DR1: variants seen among roughly 807,000 people sequenced by gnomAD.
DR1 encodes down-regulator of transcription 1.
Under a neutral mutation model 19.9 loss-of-function variants are expected in DR1, and 7 were observed. The ratio of observed to expected loss-of-function variants is 0.35; its 90% CI spans 0.20 to 0.66. DR1 has a LOEUF of 0.66. DR1 is among the 30% of genes least tolerant of loss of function. The pLI is 0.66. For missense variants in DR1, 98 were observed against 203.7 expected, an observed-to-expected ratio of 0.48 and a Z score of 3.16; for synonymous variants, 76 against 72.5, an observed-to-expected ratio of 1.05 and a Z score of -0.24.
rs955459051 is a variant in DR1 at position 93,362,689 on chromosome 1, G to A, written c.*2050G>A. ...GCCCAAAAGACATTTTGGTCATTTG[G>A]TATGTAGTACCTGCCTTTTGTTTTT... is the stretch of plus-strand genomic sequence containing the variant. On this transcript the variant is annotated 3_prime_UTR_variant, in exon 3 of 3. Coordinates refer to ENST00000370272, the MANE Select transcript of DR1 (RefSeq NM_001938.3). 1 of 151,390 alleles carries A rather than the reference G, an allele frequency of 6.6e-6. No individual in the cohort carries two copies. Among genetic ancestry groups the A allele is most frequent in the Non-Finnish European group, 1.5e-5 (1 of 67,746 alleles). 9.4% of individuals were successfully genotyped at this position (151,390 alleles called of 1,614,324 possible).
At position 93,357,688 on chromosome 1, in the gene DR1, A is replaced by G. The variant is rs578005702; in HGVS notation, c.385-2805A>G. Among the ~76,000 whole-genome samples the G allele has an allele frequency of 1.1e-4, 16 of 152,170 alleles. 1 individual carries two copies. Among genetic ancestry groups the G allele is most frequent in the Admixed American group, 9.8e-4 (15 of 15,280 alleles). On this transcript the variant is annotated intron_variant, in intron 2 of 2. Coordinates refer to ENST00000370272, the MANE Select transcript of DR1 (RefSeq NM_001938.3). ...ACTCATCTGTTTTTTTAAAAATAAC[A>G]TTTAATGTAGACCTCTTCCTTTATT...
chr1:93,352,314 C>A (rs541754864), intron 1 of DR1, among the ~76,000 whole-genome samples: 9 of 152,184 alleles, frequency 5.9e-5, no homozygotes, highest in Non-Finnish European at 1.2e-4. Context: ...TCATGATCTG[C>A]CTGCCTTGGT....
At chr1:93,353,822 A>G in intron 1 of DR1, 86 bp from the exon 2 acceptor site, 2 of 1,111,856 alleles carry the variant, frequency 1.8e-6, no homozygotes, top group Non-Finnish European at 2.5e-6. Flanking sequence ...CCCCCAAAGA[A>G]AAGCCCACAA....
At chr1:93,346,904 G>T (rs778847040) in intron 1 of DR1, 39 bp downstream of exon 1, 1 of 1,538,502 alleles carries the variant, frequency 6.5e-7, no homozygotes, top group Non-Finnish European at 8.9e-7. Flanking sequence ...TGAGGTTCTA[G>T]GGTAGCAGTC....
In DR1 at chr1:93,361,922, A is replaced by G. The variant is rs1328796947; in HGVS notation, c.*1283A>G. On this transcript the variant is annotated 3_prime_UTR_variant, in exon 3 of 3. Transcript: ENST00000370272. ...TGTTTATAGGAATCCAGGATGTTGA[A>G]GAAATGGCATAATGTCTATATTTTG... The G allele has an allele frequency of 6.6e-6, 1 of 152,502 alleles. No individual in the cohort carries two copies. The highest frequency in any genetic ancestry group is 1.5e-5 in the Non-Finnish European group (1 of 67,918). The allele number at this position is 152,502 out of a possible 1,614,324, so 9.4% of individuals were successfully genotyped here.
chr1:93,364,585 C>T lies in DR1; in HGVS notation c.*3946C>T, dbSNP rs1043054166. The stretch of plus-strand genomic sequence containing the variant: ...TTTTCTTTTTTGCCTCTGTCCCCAA[C>T]AATTTGACCACAAGTCCTACCCCAC... On this transcript the variant is annotated 3_prime_UTR_variant, in exon 3 of 3. Transcript: ENST00000370272. 3 of 152,102 alleles carry T rather than the reference C, an allele frequency of 2.0e-5. No homozygotes were observed. Among genetic ancestry groups the T allele is most frequent in the African/African-American group, 7.2e-5 (3 of 41,418 alleles). The allele number at this position is 152,102 out of a possible 1,614,324, so 9.4% of individuals were successfully genotyped here.
intron 2 of DR1, among the ~76,000 whole-genome samples, chr1:93,356,555 A>G (rs748029171): frequency 3.9e-5 from 6 of 152,202 alleles, no homozygotes; most frequent in Non-Finnish European, 8.8e-5. Flanking sequence ...TACCAAATCA[A>G]GCACCTTTGC....
At chr1:93,356,965 G>A (rs1000310400) in intron 2 of DR1, among the ~76,000 whole-genome samples, 8 of 152,128 alleles carry the variant, frequency 5.3e-5, no homozygotes, top group Non-Finnish European at 8.8e-5. Flanking sequence ...CAGGCGATCC[G>A]CCCACCTTGG....
Position 93,346,458 on chromosome 1 carries a change from A to G in DR1, c.-188A>G, listed in dbSNP as rs375957064. 3.4e-4 allele frequency: 203 copies of G among 599,552 alleles called. No individual in the cohort carries two copies. In the East Asian group the frequency reaches 4.3e-3, roughly 13 times the overall value. The allele number at this position is 599,552 out of a possible 1,614,324, so 37.1% of individuals were successfully genotyped here. A position where few individuals can be genotyped will look rare whatever the true frequency, so the allele number is the denominator to read the frequency against. On this transcript the variant is annotated 5_prime_UTR_variant, in exon 1 of 3. Coordinates refer to ENST00000370272, the MANE Select transcript of DR1 (RefSeq NM_001938.3). ...CCACTTTCTTCCCAAACTCATCCTA[A>G]ATCTCTCACACACGCGAGTGTTCCC...
chr1:93,360,697 C>G lies in DR1; in HGVS notation c.*58C>G, dbSNP rs1193724143. 1.1e-5 allele frequency: 17 copies of G among 1,544,200 alleles called. No individual in the cohort carries two copies. The East Asian group carries it at 3.8e-4, about 34-fold the overall frequency. Reference sequence around the variant, plus strand: ...AATGTTTTTCCCTGCACAACAAAAACAGTGAAAGAAATGCTTATCTGTAAT... The same window carrying G: ...AATGTTTTTCCCTGCACAACAAAAAGAGTGAAAGAAATGCTTATCTGTAAT... On this transcript the variant is annotated 3_prime_UTR_variant, in exon 3 of 3. Coordinates refer to ENST00000370272, the MANE Select transcript of DR1 (RefSeq NM_001938.3).
intron 1 of DR1, among the ~76,000 whole-genome samples, chr1:93,348,451 G>A (rs545980105): frequency 6.6e-6 from 1 of 152,176 alleles, no homozygotes; most frequent in South Asian, 2.1e-4. Context: ...AGCAGGGTCT[G>A]CCTAAACATT....
intron 2 of DR1, 61 bp downstream of exon 2, chr1:93,354,132 C>T (rs1666949243): frequency 2.9e-5 from 44 of 1,513,558 alleles, no homozygotes; most frequent in Non-Finnish European, 3.6e-5. Flanking sequence ...ACTGAAATTG[C>T]TTCCTAAATT....
Position 93,346,170 on chromosome 1 carries a change from G to A in DR1, c.-476G>A. The A allele has an allele frequency of 4.4e-6, 1 of 226,748 alleles. No individual in the cohort carries two copies. The highest frequency in any genetic ancestry group is 8.7e-6 in the Non-Finnish European group (1 of 114,680). The allele number at this position is 226,748 out of a possible 1,614,324, so 14.0% of individuals were successfully genotyped here. A position where few individuals can be genotyped will look rare whatever the true frequency, so the allele number is the denominator to read the frequency against. On this transcript the variant is annotated 5_prime_UTR_variant, in exon 1 of 3. Transcript: ENST00000370272. ...GAAGGATGGTTTGGCCGAGGCGGCGGCAACGGCTGCTGGCGGCGGCGGCAG... is the reference window on the plus strand; with the variant it reads ...GAAGGATGGTTTGGCCGAGGCGGCGACAACGGCTGCTGGCGGCGGCGGCAG...
chr1:93,361,722 T>C lies in DR1; in HGVS notation c.*1083T>C, dbSNP rs144108388. 6.6e-6 allele frequency: 1 copy of C among 152,544 alleles called. No individual in the cohort carries two copies. Among genetic ancestry groups the C allele is most frequent in the African/African-American group, 2.4e-5 (1 of 41,538 alleles). 9.4% of individuals were successfully genotyped at this position (152,544 alleles called of 1,614,324 possible). A position where few individuals can be genotyped will look rare whatever the true frequency, so the allele number is the denominator to read the frequency against. On this transcript the variant is annotated 3_prime_UTR_variant, in exon 3 of 3. Coordinates refer to ENST00000370272, the MANE Select transcript of DR1 (RefSeq NM_001938.3). ...TTGAGTGATAGCTTTAAAAAAAAGA[T>C]TAGTTTTGCTTAAGAAGTTATGTTA... is the stretch of plus-strand genomic sequence containing the variant.
intron 1 of DR1, among the ~76,000 whole-genome samples, chr1:93,351,504 C>T (rs1205343537): frequency 7.1e-6 from 1 of 141,070 alleles, no homozygotes; most frequent in Non-Finnish European, 1.5e-5. Context: ...GGTGTGACCT[C>T]GGCTCTCTAC....
Position 93,364,475 on chromosome 1 carries a change from C to T in DR1, c.*3836C>T, listed in dbSNP as rs1374403530. 2 of 152,152 alleles carry T rather than the reference C, an allele frequency of 1.3e-5. No individual in the cohort carries two copies. Among genetic ancestry groups the T allele is most frequent in the Non-Finnish European group, 2.9e-5 (2 of 68,038 alleles). 9.4% of individuals were successfully genotyped at this position (152,152 alleles called of 1,614,324 possible). ...TTATGTCTGTCCAACTCATCTATAT[C>T]CAAATGGCCATTAGGAAGAATTATC... On this transcript the variant is annotated 3_prime_UTR_variant, in exon 3 of 3. Transcript: ENST00000370272.
chr1:93,352,890 A>C (rs1557745829), intron 1 of DR1, among the ~76,000 whole-genome samples: 1 of 102,438 alleles, frequency 9.8e-6, no homozygotes, highest in African/African-American at 3.7e-5. Context: ...AGGGTGTGTG[A>C]ATTTTTTTTT....
At chr1:93,359,723 C>G (rs953520598) in intron 2 of DR1, among the ~76,000 whole-genome samples, 1 of 151,992 alleles carries the variant, frequency 6.6e-6, no homozygotes, top group Non-Finnish European at 1.5e-5. Context: ...TGTGAAGGAG[C>G]CTTAGCTGTT....
rs1166382047 is a variant in DR1, at chr1:93,360,809, A to G, written c.*170A>G. The G allele has an allele frequency of 5.8e-6, 4 of 691,714 alleles. No individual in the cohort carries two copies. In the East Asian group the frequency reaches 1.0e-4, roughly 18 times the overall value. 42.8% of individuals were successfully genotyped at this position (691,714 alleles called of 1,614,324 possible). ...TCTATTGTGTGCTATACATGTAAAA[A>G]CTGTCTCTTTGAACTATTGAAAATT... On this transcript the variant is annotated 3_prime_UTR_variant, in exon 3 of 3. Transcript: ENST00000370272.
Sources: allele counts gnomAD v4.1 joint callset (sites outside exome capture counted in the v4.1 genomes callset), GRCh38; gene constraint gnomAD v4.1.1; transcripts MANE v1.5; gene names NCBI Gene and HGNC (gene_info 2026-07-23, HGNC 2026-07-21).